Variants in C1QTNF12 observed in about 807,000 individuals in gnomAD.
C1QTNF12 encodes the protein C1q and TNF related 12.
A neutral mutation model predicts 34.3 loss-of-function variants in C1QTNF12; 39 were observed. That is an observed-to-expected ratio of 1.14 (90% CI 0.88 to 1.49). The LOEUF is 1.49. Among genes scored for constraint, C1QTNF12 ranks in the 40% most tolerant of loss-of-function variants. C1QTNF12 has a pLI of 0.00. For missense variants in C1QTNF12, 497 were observed against 424.7 expected, an observed-to-expected ratio of 1.17 and a Z score of -1.50; for synonymous variants, 220 against 196.9, an observed-to-expected ratio of 1.12 and a Z score of -0.98.
At position 1,244,275 on chromosome 1, in the gene C1QTNF12, G is replaced by C; in HGVS notation, c.295C>G (p.Arg99Gly). The C allele has an allele frequency of 1.3e-6, 2 of 1,591,904 alleles. No individual in the cohort carries two copies. Among genetic ancestry groups the C allele is most frequent in the Middle Eastern group, 1.7e-4 (1 of 5,974 alleles). ...GGTCCTGGGGGACCGAAGAGATCCC[G>C]CTGGGGGGAGAGAGAAGCAGGTGAG... ...KRCGSRDKKP[R>G]DLFGPPGPPG... Residue 99 changes from arginine to glycine, a missense_variant and splice_region_variant, in exon 3 of 8, where the codon CGG becomes GGG. Physicochemically the swap from Arg to Gly is moderately radical, Grantham distance 125. Transcript: ENST00000330388.
intron 4 of C1QTNF12, among the ~76,000 whole-genome samples, 198 bp downstream of exon 4, chr1:1,243,756 C>G (rs543457192): frequency 6.6e-6 from 1 of 152,284 alleles, no homozygotes; most frequent in South Asian, 2.1e-4. Flanking sequence ...CGGGGACCCA[C>G]GCTCCGTCTG....
chr1:1,244,552 G>C, intron 1 of C1QTNF12, 55 bp from the exon 2 acceptor site: 1 of 1,370,660 alleles, frequency 7.3e-7, no homozygotes. Flanking sequence ...AGAGAGCTGG[G>C]ACCCCAGGGC....
Position 1,243,450 on chromosome 1 carries a change from G to A in C1QTNF12, c.634C>T (p.His212Tyr), listed in dbSNP as rs1346373275. The stretch of plus-strand genomic sequence containing the variant: ...ACTGCCCCATCCGGCTCACCCACGT[G>A]CAGACTGGCAGAGAACTGGAAGATG... ...SGIFQFSASL[H>Y]VDHSELQGKA... The change falls in exon 5 of 8, where the codon CAC becomes TAC. Residue 212 changes from histidine to tyrosine, a missense_variant. By Grantham distance (83) the His-to-Tyr change is moderately conservative (BLOSUM62 2). Transcript: ENST00000330388. 2 of 1,554,466 alleles carry A rather than the reference G, an allele frequency of 1.3e-6. No homozygotes were observed. The highest frequency in any genetic ancestry group is 1.7e-6 in the Non-Finnish European group (2 of 1,149,000).
chr1:1,243,838 C>T, intron 4 of C1QTNF12, 116 bp downstream of exon 4: 2 of 1,348,810 alleles, frequency 1.5e-6, no homozygotes, highest in Non-Finnish European at 2.0e-6. Flanking sequence ...CCTCCGAGCC[C>T]CGCCCCCAGC....
At chr1:1,242,708 C>G in intron 7 of C1QTNF12, 62 bp from the exon 8 acceptor site, 1 of 1,545,650 alleles carries the variant, frequency 6.5e-7, no homozygotes, top group Non-Finnish European at 8.8e-7. Flanking sequence ...TGGCCAACGT[C>G]TGCCCACCTG....
Position 1,243,061 on chromosome 1 carries a change from C to T in C1QTNF12, c.731+1G>A, listed in dbSNP as rs143023194. 37 of 1,578,096 alleles carry T rather than the reference C, an allele frequency of 2.3e-5. No individual in the cohort carries two copies. In the African/African-American group the frequency reaches 3.8e-4, roughly 16 times the overall value. ...CTGGAGCGGGGGCTGAGGTCACTCA[C>T]GTGTGGCGCTGGCACAGGGACTCAA... On this transcript the variant is annotated splice_donor_variant, in intron 6 of 7. Coordinates refer to ENST00000330388, the MANE Select transcript of C1QTNF12 (RefSeq NM_001014980.3). LOFTEE classifies it high-confidence loss of function.
At chr1:1,242,688 A>G in intron 7 of C1QTNF12, 42 bp from the exon 8 acceptor site, 1 of 1,569,532 alleles carries the variant, frequency 6.4e-7, no homozygotes, top group African/African-American at 1.4e-5. Flanking sequence ...GCCACAGCCC[A>G]GCCACTCGGT....
upstream of C1QTNF12, among the ~76,000 whole-genome samples, chr1:1,247,016 C>A (rs982536183): frequency 6.6e-6 from 1 of 151,856 alleles, no homozygotes; most frequent in South Asian, 2.1e-4. Flanking sequence ...GCCAGCCGCC[C>A]GGGCGCCCCG....
At position 1,244,261 on chromosome 1, in the gene C1QTNF12, A is replaced by G; in HGVS notation, c.309T>C (p.Gly103=). The change falls in exon 3 of 8, where the codon GGT becomes GGC. Residue 103 remains glycine, a synonymous_variant. Coordinates refer to ENST00000330388, the MANE Select transcript of C1QTNF12 (RefSeq NM_001014980.3). Reference sequence around the variant, plus strand: ...CTTCTGCACCTGGAGGTCCTGGGGGACCGAAGAGATCCCGCTGGGGGGAGA... The same window carrying G: ...CTTCTGCACCTGGAGGTCCTGGGGGGCCGAAGAGATCCCGCTGGGGGGAGA... ...SRDKKPRDLF[G]PPGPPGAEVT... is the part of the protein sequence containing the mutation. 1 of 1,594,174 alleles carries G rather than the reference A, an allele frequency of 6.3e-7. No homozygotes were observed. The highest frequency in any genetic ancestry group is 8.6e-7 in the Non-Finnish European group (1 of 1,169,514).
chr1:1,243,939 C>T lies in C1QTNF12; in HGVS notation c.531+15G>A. ...CCCACCCAACACCCCGCTCTAAGCT[C>T]CCGGCTCCACTCACAGCCTGGAAAC... On this transcript the variant is annotated intron_variant, in intron 4 of 7. Coordinates refer to ENST00000330388, the MANE Select transcript of C1QTNF12 (RefSeq NM_001014980.3). The T allele has an allele frequency of 6.2e-7, 1 of 1,602,338 alleles. No individual in the cohort carries two copies. The highest frequency in any genetic ancestry group is 2.3e-5 in the East Asian group (1 of 44,070).
chr1:1,243,089 C>T lies in C1QTNF12; in HGVS notation c.704G>A (p.Cys235Tyr). The T allele has an allele frequency of 6.3e-7, 1 of 1,588,654 alleles. No individual in the cohort carries two copies. The highest frequency in any genetic ancestry group is 1.1e-5 in the South Asian group (1 of 87,570). Residue 235 changes from cysteine (C) to tyrosine (Y), a missense_variant, in exon 6 of 8, where the codon TGT becomes TAT. By Grantham distance (194) the Cys-to-Tyr change is radical (BLOSUM62 -2). Coordinates refer to ENST00000330388, the MANE Select transcript of C1QTNF12 (RefSeq NM_001014980.3). ...GTGGCGCTGGCACAGGGACTCAATA[C>T]AGATGAGAACACACACCACGTCCCG... ...RARDVVCVLICIESLCQRHTC... is the reference protein window; with the variant it reads ...RARDVVCVLIYIESLCQRHTC...
At position 1,242,466 on chromosome 1, in the gene C1QTNF12, T is replaced by C; in HGVS notation, c.*82A>G. ...GAAGGCAGTGGGGAGGGTGGAGGGC[T>C]CTTTATTGTGGTGACCACGGGCATC... On this transcript the variant is annotated 3_prime_UTR_variant, in exon 8 of 8. Transcript: ENST00000330388. The C allele has an allele frequency of 9.4e-7, 1 of 1,067,332 alleles. No homozygotes were observed. The highest frequency in any genetic ancestry group is 1.4e-6 in the Non-Finnish European group (1 of 736,188). 66.1% of individuals were successfully genotyped at this position (1,067,332 alleles called of 1,614,324 possible).
At chr1:1,242,811 C>A (rs1216461776) in intron 7 of C1QTNF12, 24 bp downstream of exon 7, 1 of 1,611,082 alleles carries the variant, frequency 6.2e-7, no homozygotes, top group African/African-American at 1.3e-5. Flanking sequence ...CGAGCCCTCC[C>A]GCTCACACCC....
chr1:1,246,727 G>C (rs1181268599), upstream of C1QTNF12: 11 of 1,211,256 alleles, frequency 9.1e-6, no homozygotes, highest in South Asian at 1.7e-4. The surrounding 1 kb of genome is among the most constrained non-coding windows in gnomAD (Gnocchi z 4.5). Context: ...GGCGAGTCTC[G>C]GCGCCAGGGC....
intron 6 of C1QTNF12, 54 bp downstream of exon 6, chr1:1,243,008 C>T (rs1466553424): frequency 9.0e-6 from 14 of 1,556,234 alleles, no homozygotes; most frequent in Non-Finnish European, 1.0e-5. Context: ...CCTGTGAGCC[C>T]CTCCAAGGGT....
chr1:1,244,385 T>G lies in C1QTNF12; in HGVS notation c.290A>C (p.Lys97Thr). The change falls in exon 2 of 8, where the codon AAG (lysine) becomes ACG (threonine). Residue 97 changes from lysine to threonine, a missense_variant. Lys to Thr is a moderately conservative substitution (Grantham distance 78, BLOSUM62 -1). Transcript: ENST00000330388. The part of the protein sequence containing the change: ...LRKRCGSRDK[K>T]PRDLFGPPGP... ...AGCAGCCCGGGCGGGGCTCACCGGC[T>G]TCTTGTCCCTGCTTCCGCACCGCTT... 6.2e-7 allele frequency: 1 copy of G among 1,611,214 alleles called. No individual in the cohort carries two copies. Among genetic ancestry groups the G allele is most frequent in the South Asian group, 1.1e-5 (1 of 91,062 alleles).
chr1:1,246,596 G>A lies in C1QTNF12; in HGVS notation c.95C>T (p.Thr32Met), dbSNP rs570708266. The change falls in exon 1 of 8, where the codon ACG (threonine) becomes ATG (methionine). Residue 32 changes from threonine to methionine, a missense_variant. Transcript: ENST00000330388. This position sits in a 1 kb window ranked among gnomAD's most constrained non-coding sequence, Gnocchi z 4.5. ...GVGARREAQR[T>M]QQPGQRADPP... ...ATCTGCGCGCTGGCCAGGCTGCTGC[G>A]TCCTCTGTGCCTCCCGCCGGGCCCC... is the stretch of plus-strand genomic sequence containing the variant. The A allele has an allele frequency of 1.3e-5, 16 of 1,248,426 alleles. No homozygotes were observed. The highest frequency in any genetic ancestry group is 9.3e-5 in the African/African-American group (6 of 64,630). The allele number at this position is 1,248,426 out of a possible 1,614,324, so 77.3% of individuals were successfully genotyped here. A position where few individuals can be genotyped will look rare whatever the true frequency, so the allele number is the denominator to read the frequency against.
rs546356637 is a variant in C1QTNF12 at position 1,245,703 on chromosome 1, C to T, written c.177+811G>A. 4.6e-5 allele frequency among the ~76,000 whole-genome samples: 7 copies of T among 152,342 alleles called. No homozygotes were observed. The East Asian group carries it at 1.4e-3, about 30-fold the overall frequency. On this transcript the variant is annotated intron_variant, in intron 1 of 7. Transcript: ENST00000330388. The stretch of plus-strand genomic sequence containing the variant: ...GCAGAGCCGCGGCCTCAACCCTCCT[C>T]AGCCTTCCCATCTGGGAAACGGGAC...
At position 1,246,668 on chromosome 1, in the gene C1QTNF12, G is replaced by A. The variant is rs1340759505; in HGVS notation, c.23C>T (p.Ala8Val). Residue 8 changes from alanine to valine, a missense_variant, in exon 1 of 8, where the codon GCG becomes GTG. Physicochemically the swap from Ala to Val is moderately conservative, Grantham distance 64. Transcript: ENST00000330388. The surrounding 1 kb of genome is among the most constrained non-coding windows in gnomAD (Gnocchi z 4.5). The stretch of plus-strand genomic sequence containing the variant: ...CTGCGGCCCGAGGAGGACCACGACC[G>A]CGGCCCAGGCCCAGCGCCGCATGGC... MRRWAWA[A>V]VVVLLGPQLV... The A allele has an allele frequency of 4.9e-6, 6 of 1,228,406 alleles. No homozygotes were observed. The highest frequency in any genetic ancestry group is 8.5e-5 in the Admixed American group (2 of 23,452). The allele number at this position is 1,228,406 out of a possible 1,614,324, so 76.1% of individuals were successfully genotyped here.
Sources: allele counts gnomAD v4.1 joint callset (sites outside exome capture counted in the v4.1 genomes callset), GRCh38; gene constraint gnomAD v4.1.1; non-coding constraint Gnocchi (gnomAD v3.1); transcripts MANE v1.5; gene names NCBI Gene and HGNC (gene_info 2026-07-23, HGNC 2026-07-21).